The following UBXN2B variants were observed in gnomAD, a reference collection of about 807,000 sequenced individuals.
UBXN2B encodes UBX domain-containing protein 2B.
Under a neutral mutation model 37.5 loss-of-function variants are expected in UBXN2B, and 19 were observed. The observed-to-expected ratio is 0.51, with a 90% CI of 0.35 to 0.74. UBXN2B has a LOEUF of 0.74. Ranked by LOEUF, UBXN2B falls within the 30% of genes least tolerant of loss-of-function variation. The pLI is 0.01. For synonymous variants in UBXN2B, 145 were observed against 143.8 expected (o/e 1.01, Z -0.06); for missense variants, 370 against 393.2 (o/e 0.94, Z 0.50).
intron 3 of UBXN2B, among the ~76,000 whole-genome samples, chr8:58,432,248 T>G (rs961767499): frequency 7.2e-5 from 11 of 152,168 alleles, no homozygotes; most frequent in Non-Finnish European, 1.5e-5. Context: ...TATTTGAATT[T>G]TTTATATAAG....
chr8:58,429,686 A>G (rs906254312), intron 2 of UBXN2B, among the ~76,000 whole-genome samples: 6 of 152,198 alleles, frequency 3.9e-5, no homozygotes, highest in African/African-American at 7.2e-5. Context: ...TCCAAGGCAG[A>G]TATCATTTCC....
rs779711238 is a variant in UBXN2B at position 58,417,171 on chromosome 8, C to T, written c.188+218C>T. Among the ~76,000 whole-genome samples the T allele has an allele frequency of 7.2e-5, 11 of 151,966 alleles. 1 individual carries two copies. Among genetic ancestry groups the T allele is most frequent in the Non-Finnish European group, 1.0e-4 (7 of 67,978 alleles). On this transcript the variant is annotated intron_variant, in intron 2 of 7. Coordinates refer to ENST00000399598, the MANE Select transcript of UBXN2B (RefSeq NM_001077619.2). The stretch of plus-strand genomic sequence containing the variant: ...CAATCAGAAAGCCAAAAGAAACTTA[C>T]GGAAAAATTACCTTAAAATACCTAA...
chr8:58,433,823 T>C (rs1808345375), intron 4 of UBXN2B, among the ~76,000 whole-genome samples: 2 of 152,134 alleles, frequency 1.3e-5, no homozygotes, highest in African/African-American at 4.8e-5. Flanking sequence ...ATATAGTTAT[T>C]ATTATAAATG....
chr8:58,428,054 AGT>A (rs1313128087), intron 2 of UBXN2B, among the ~76,000 whole-genome samples: 2 of 152,224 alleles, frequency 1.3e-5, no homozygotes, highest in African/African-American at 4.8e-5. Context: ...TGTTTCAGAA[AGT>A]GTTTAATAAC....
rs905141143 is a variant in UBXN2B at position 58,423,441 on chromosome 8, G to GT, written c.188+6500dup. The stretch of plus-strand genomic sequence containing the variant: ...GGGGGTGGGTTTTTTTTTTGTTGTT[G>GT]TTTTTTTTTTTTGACACGGAGTCTT... On this transcript the variant is annotated intron_variant, in intron 2 of 7. Transcript: ENST00000399598. Among the ~76,000 whole-genome samples, 408 of 146,848 alleles carry GT rather than the reference G, an allele frequency of 2.8e-3. 4 individuals carry two copies. The highest frequency in any genetic ancestry group is 8.8e-3 in the African/African-American group (353 of 40,074).
chr8:58,419,497 C>T (rs918503987), intron 2 of UBXN2B, among the ~76,000 whole-genome samples: 1 of 152,198 alleles, frequency 6.6e-6, no homozygotes, highest in Non-Finnish European at 1.5e-5. Flanking sequence ...GAAAGACCCT[C>T]AGGATATAGT....
At chr8:58,442,647 T>C (rs1395646354) in intron 6 of UBXN2B, among the ~76,000 whole-genome samples, 3 of 152,288 alleles carry the variant, frequency 2.0e-5, no homozygotes, top group Non-Finnish European at 4.4e-5. Context: ...AAACCATAGA[T>C]ATAAAACTGC....
chr8:58,422,402 CAAT>C (rs1177024543), intron 2 of UBXN2B, among the ~76,000 whole-genome samples: 1 of 152,176 alleles, frequency 6.6e-6, no homozygotes, highest in East Asian at 1.9e-4. Flanking sequence ...TCCGAGGAAA[CAAT>C]AACTTCACAG....
chr8:58,434,717 G>GT, intron 5 of UBXN2B: 4 of 1,337,676 alleles, frequency 3.0e-6, no homozygotes. Context: ...TGGGCCAGGG[G>GT]CATTGGACAT....
chr8:58,430,394 C>A, intron 2 of UBXN2B, 125 bp from the exon 3 acceptor site: 1 of 610,912 alleles, frequency 1.6e-6, no homozygotes. Context: ...TAAATATTCT[C>A]ATAGAAGTCA....
chr8:58,426,171 A>G, intron 2 of UBXN2B: 11 of 805,158 alleles, frequency 1.4e-5, no homozygotes, highest in South Asian at 1.3e-4. Context: ...TCCCCTCCAC[A>G]CAGATCACAG....
At chr8:58,420,330 T>C (rs1807892811) in intron 2 of UBXN2B, among the ~76,000 whole-genome samples, 2 of 152,192 alleles carry the variant, frequency 1.3e-5, no homozygotes. Context: ...CTACATAAAG[T>C]ATTCTTTTAA....
At chr8:58,412,486 A>C (rs1807663787) in intron 1 of UBXN2B, among the ~76,000 whole-genome samples, 1 of 152,258 alleles carries the variant, frequency 6.6e-6, no homozygotes, top group East Asian at 1.9e-4. Flanking sequence ...CAAAATAAGC[A>C]GTGCATAAAG....
At chr8:58,421,981 T>G (rs1187311887) in intron 2 of UBXN2B, among the ~76,000 whole-genome samples, 2 of 152,220 alleles carry the variant, frequency 1.3e-5, no homozygotes, top group Non-Finnish European at 2.9e-5. Flanking sequence ...GGAGATATAT[T>G]TGTACAATCA....
At position 58,449,211 on chromosome 8, in the gene UBXN2B, A is replaced by T. The variant is rs1163442863; in HGVS notation, c.*1660A>T. 6.6e-6 allele frequency: 1 copy of T among 152,128 alleles called. No individual in the cohort carries two copies. The allele number at this position is 152,128 out of a possible 1,614,324, so 9.4% of individuals were successfully genotyped here. ...ATAGTAACCTTAATTACATCTGCAA[A>T]ATCTCTTTTACCATCTAAGGTTACA... is the stretch of plus-strand genomic sequence containing the variant. On this transcript the variant is annotated 3_prime_UTR_variant, in exon 8 of 8. Transcript: ENST00000399598.
In UBXN2B at chr8:58,416,897, C is replaced by G. The variant is rs766056901; in HGVS notation, c.132C>G (p.Ser44=). The G allele has an allele frequency of 2.5e-6, 4 of 1,612,664 alleles. No homozygotes were observed. The Admixed American group carries it at 6.7e-5, about 27-fold the overall frequency. The stretch of plus-strand genomic sequence containing the variant: ...AAGATGAAGTGAAGTGCAAATCTTC[C>G]AAGTCTAATAGACCTAAAGCCACAG... ...LYEDEVKCKS[S]KSNRPKATVF... Residue 44 remains serine (S), a synonymous_variant, in exon 2 of 8, where the codon TCC becomes TCG. Coordinates refer to ENST00000399598, the MANE Select transcript of UBXN2B (RefSeq NM_001077619.2).
At chr8:58,413,354 G>A (rs1807686884) in intron 1 of UBXN2B, 1 of 152,020 alleles carries the variant, frequency 6.6e-6, no homozygotes. Context: ...CCAAAGGGAT[G>A]GCATATCAAG....
chr8:58,411,428 A>C lies in UBXN2B; in HGVS notation c.43A>C (p.Arg15=). 7.9e-7 allele frequency: 1 copy of C among 1,265,566 alleles called. No individual in the cohort carries two copies. Among genetic ancestry groups the C allele is most frequent in the Non-Finnish European group, 1.0e-6 (1 of 999,880 alleles). 78.4% of individuals were successfully genotyped at this position (1,265,566 alleles called of 1,614,324 possible). A position where few individuals can be genotyped will look rare whatever the true frequency, so the allele number is the denominator to read the frequency against. Residue 15 remains arginine, a synonymous_variant, in exon 1 of 8, where the codon AGG becomes CGG. Coordinates refer to ENST00000399598, the MANE Select transcript of UBXN2B (RefSeq NM_001077619.2). ...GGPEPGEQER[R]SSGPRPPSAR... ...CCCTGAGCCCGGCGAGCAGGAGAGG[A>C]GGTCTTCCGGGCCGCGGCCTCCGAG...
At chr8:58,437,318 C>CTTTTTTTTTT (rs773987509) in intron 5 of UBXN2B, among the ~76,000 whole-genome samples, 1 of 74,264 alleles carries the variant, frequency 1.3e-5, no homozygotes, top group Non-Finnish European at 2.6e-5. Context: ...GAAGAAATTT[C>CTTTTTTTTTT]TTTTTTTTTT....
Sources: gnomAD v4.1 joint callset for allele counts (sites outside exome capture counted in the v4.1 genomes callset) on GRCh38, gnomAD v4.1.1 for gene constraint, MANE v1.5 for transcripts, NCBI Gene and HGNC (gene_info 2026-07-23, HGNC 2026-07-21) for gene names.